Variants in ADGRL3 observed in about 807,000 individuals in gnomAD.
ADGRL3 encodes the protein adhesion G protein-coupled receptor L3.
In ADGRL3, 62 loss-of-function variants were observed where a neutral mutation model predicts 153.5. The ratio of observed to expected loss-of-function variants is 0.40; its 90% CI spans 0.33 to 0.50. ADGRL3 has a LOEUF of 0.50. Ranked by LOEUF, ADGRL3 falls within the 20% of genes least tolerant of loss-of-function variation. ADGRL3 has a pLI of 0.47. For missense variants in ADGRL3, 1,641 were observed against 1,859.4 expected (o/e 0.88, Z 2.16); for synonymous variants, 710 against 672.5 (o/e 1.06, Z -0.86).
Position 61,507,094 on chromosome 4 carries a change from T to C in ADGRL3, c.55+9746T>C, listed in dbSNP as rs144212090. ...CTTTAGTAGAGCTCTCCATACAAATTGACAATGGTGGTGACAATTTAGCAA... is the reference window on the plus strand; with the variant it reads ...CTTTAGTAGAGCTCTCCATACAAATCGACAATGGTGGTGACAATTTAGCAA... On this transcript the variant is annotated intron_variant, in intron 3 of 26. Transcript: ENST00000683033. Among the ~76,000 whole-genome samples, 1,276 of 152,284 alleles carry C rather than the reference T, an allele frequency of 8.4e-3. 24 individuals carry two copies. Among genetic ancestry groups the C allele is most frequent in the African/African-American group, 0.029 (1,218 of 41,560 alleles).
intron 9 of ADGRL3, among the ~76,000 whole-genome samples, chr4:61,861,322 G>GT (rs1367351956): frequency 6.6e-6 from 1 of 152,072 alleles, no homozygotes. Context: ...AAATAACCTG[G>GT]GTTATTGATT....
intron 2 of ADGRL3, among the ~76,000 whole-genome samples, chr4:61,440,786 C>T (rs902874906): frequency 6.6e-6 from 1 of 152,064 alleles, no homozygotes; most frequent in African/African-American, 2.4e-5. Flanking sequence ...TTTCATTTTT[C>T]CTAGTAGTAA....
chr4:61,639,315 T>C (rs774326524), intron 5 of ADGRL3, among the ~76,000 whole-genome samples: 4 of 152,144 alleles, frequency 2.6e-5, no homozygotes, highest in Non-Finnish European at 5.9e-5. Context: ...AGGTGTAAGA[T>C]ATGAGTTTGG....
Position 61,397,586 on chromosome 4 carries a change from C to CCACTCTTTTG in ADGRL3, c.-174+14400_-174+14401insTCTTTTGCAC, listed in dbSNP as rs545632687. On this transcript the variant is annotated intron_variant, in intron 2 of 26. Transcript: ENST00000683033. Reference sequence around the variant, plus strand: ...GTTGTTTATTTCCTCACTTACTTTTCCACCACATAGCCAGAATACCAGTAT... The same window carrying CCACTCTTTTG: ...GTTGTTTATTTCCTCACTTACTTTTCCACTCTTTTGCACCACATAGCCAGAATACCAGTAT... Among the ~76,000 whole-genome samples the CCACTCTTTTG allele has an allele frequency of 1.8e-3, 274 of 152,012 alleles. 2 individuals are homozygous for CCACTCTTTTG. The highest frequency in any genetic ancestry group is 6.4e-3 in the African/African-American group (265 of 41,534).
At chr4:61,682,772 C>T (rs79466975) in intron 6 of ADGRL3, among the ~76,000 whole-genome samples, 79 of 152,158 alleles carry the variant, frequency 5.2e-4, no homozygotes, top group African/African-American at 1.9e-3. Context: ...TTCACATGTG[C>T]ATGGAAGTTA....
intron 11 of ADGRL3, 80 bp downstream of exon 11, chr4:61,895,914 G>A (rs938787435): frequency 2.5e-5 from 18 of 713,840 alleles, no homozygotes; most frequent in Non-Finnish European, 3.8e-5. Context: ...AAAAAAAACA[G>A]TCAAGAATTC....
chr4:61,732,009 T>C (rs527947237), intron 7 of ADGRL3, among the ~76,000 whole-genome samples: 1 of 152,282 alleles, frequency 6.6e-6, no homozygotes, highest in Non-Finnish European at 1.5e-5. Context: ...AAGGTACATG[T>C]TTTTAAGTTC....
At chr4:61,355,682 C>G (rs981788615) in intron 1 of ADGRL3, among the ~76,000 whole-genome samples, 1 of 152,092 alleles carries the variant, frequency 6.6e-6, no homozygotes, top group Non-Finnish European at 1.5e-5. Context: ...TTGATCCACT[C>G]TCTCCATAAA....
At chr4:61,483,680 T>C (rs2098156683) in intron 2 of ADGRL3, among the ~76,000 whole-genome samples, 1 of 152,012 alleles carries the variant, frequency 6.6e-6, no homozygotes, top group African/African-American at 2.4e-5. Context: ...GAGGTTGCTA[T>C]GAGCCGAGAT....
intron 8 of ADGRL3, among the ~76,000 whole-genome samples, chr4:61,758,151 A>G (rs2096861364): frequency 6.6e-6 from 1 of 152,162 alleles, no homozygotes; most frequent in East Asian, 1.9e-4. Context: ...AGCTGAGTTC[A>G]ATTCCTGGAA....
chr4:61,769,778 C>T (rs2097059815), intron 8 of ADGRL3, among the ~76,000 whole-genome samples: 1 of 144,336 alleles, frequency 6.9e-6, no homozygotes, highest in Non-Finnish European at 1.5e-5. Context: ...GAGTGGGGGT[C>T]GCAAGGTGCT....
chr4:61,867,927 G>A (rs1451052603), intron 9 of ADGRL3, among the ~76,000 whole-genome samples: 2 of 152,142 alleles, frequency 1.3e-5, no homozygotes, highest in East Asian at 3.9e-4. Context: ...GGTGTATAAA[G>A]AGAAGGGCTT....
chr4:61,503,367 T>A (rs2098405140), intron 3 of ADGRL3, among the ~76,000 whole-genome samples: 1 of 152,162 alleles, frequency 6.6e-6, no homozygotes, highest in African/African-American at 2.4e-5. Context: ...TTGTAATTTA[T>A]CCTATTTTTT....
At chr4:61,562,980 C>T (rs2149002829) in intron 4 of ADGRL3, among the ~76,000 whole-genome samples, 1 of 147,834 alleles carries the variant, frequency 6.8e-6, no homozygotes, top group African/African-American at 2.5e-5. Context: ...TTCATTAAAT[C>T]ATGAATTATT....
At chr4:61,466,403 T>C (rs936819034) in intron 2 of ADGRL3, among the ~76,000 whole-genome samples, 7 of 152,330 alleles carry the variant, frequency 4.6e-5, no homozygotes, top group African/African-American at 1.7e-4. Context: ...GTATTATTAG[T>C]ATTTAATATA....
chr4:61,313,064 C>T (rs962387835), intron 1 of ADGRL3, among the ~76,000 whole-genome samples: 1 of 151,838 alleles, frequency 6.6e-6, no homozygotes, highest in East Asian at 1.9e-4. Flanking sequence ...GCTATGAAAC[C>T]ACAAAAAAAG....
At chr4:61,831,347 A>AT (rs943525924) in intron 9 of ADGRL3, among the ~76,000 whole-genome samples, 1 of 145,360 alleles carries the variant, frequency 6.9e-6, no homozygotes, top group African/African-American at 2.5e-5. Flanking sequence ...GAAACCATGC[A>AT]TTTTGGAGAT....
At chr4:61,486,785 G>T (rs1020188554) in intron 2 of ADGRL3, among the ~76,000 whole-genome samples, 1 of 151,746 alleles carries the variant, frequency 6.6e-6, no homozygotes, top group East Asian at 1.9e-4. Context: ...TTAAACTTTT[G>T]CTGTAACTTA....
At chr4:61,461,734 G>C (rs2097821770) in intron 2 of ADGRL3, among the ~76,000 whole-genome samples, 1 of 152,054 alleles carries the variant, frequency 6.6e-6, no homozygotes, top group Admixed American at 6.6e-5. Flanking sequence ...GGACACAAAA[G>C]CAACCTCATT....
Sources: allele counts gnomAD v4.1 joint callset (sites outside exome capture counted in the v4.1 genomes callset), GRCh38; gene constraint gnomAD v4.1.1; transcripts MANE v1.5; gene names NCBI Gene and HGNC (gene_info 2026-07-23, HGNC 2026-07-21).